ERC2: variants seen among roughly 807,000 people sequenced by gnomAD.
The protein encoded by ERC2 is ELKS/RAB6-interacting/CAST family member 2.
A neutral mutation model predicts 114.8 loss-of-function variants in ERC2; 42 were observed. The ratio of observed to expected loss-of-function variants is 0.37; its 90% CI spans 0.29 to 0.47. The LOEUF (loss-of-function observed/expected upper bound fraction) is 0.47. ERC2 is among the 20% of genes least tolerant of loss of function. ERC2 has a pLI of 0.99. For synonymous variants in ERC2, 454 were observed against 425.5 expected (o/e 1.07, Z -0.82); for missense variants, 939 against 1,150.7 (o/e 0.82, Z 2.66).
intron 7 of ERC2, 97 bp downstream of exon 7, chr3:56,080,720 T>C: frequency 8.1e-7 from 1 of 1,230,442 alleles, no homozygotes; most frequent in African/African-American, 1.5e-5. Context: ...TCCTAAAGAT[T>C]CGTAAAAGAT....
At chr3:56,463,732 T>C (rs894110473) in intron 1 of ERC2, among the ~76,000 whole-genome samples, 2 of 152,232 alleles carry the variant, frequency 1.3e-5, no homozygotes, top group Non-Finnish European at 1.5e-5. Context: ...ATTATATCCA[T>C]GTGTGCCCCT....
chr3:55,794,366 G>A (rs1201793483), intron 14 of ERC2, among the ~76,000 whole-genome samples: 1 of 152,182 alleles, frequency 6.6e-6, no homozygotes, highest in East Asian at 1.9e-4. Context: ...ATCAGTCATA[G>A]TAATTATAAT....
intron 3 of ERC2, chr3:56,173,940 G>A (rs2150026207): frequency 1.2e-5 from 2 of 163,300 alleles, no homozygotes; most frequent in East Asian, 3.7e-4. Context: ...ATGGCATTTT[G>A]CTACCGAGGC....
At chr3:56,467,746 C>T (rs1454348282) in intron 1 of ERC2, among the ~76,000 whole-genome samples, 1 of 151,998 alleles carries the variant, frequency 6.6e-6, no homozygotes, top group African/African-American at 2.4e-5. Flanking sequence ...AAAATATGCT[C>T]CCCTCTGAAC....
intron 17 of ERC2, among the ~76,000 whole-genome samples, chr3:55,634,972 A>G (rs2059899079): frequency 6.6e-6 from 1 of 150,916 alleles, no homozygotes; most frequent in Non-Finnish European, 1.5e-5. Flanking sequence ...ACCTCCGCCT[A>G]CTGGGTTCAA....
chr3:56,115,800 C>G (rs538572012), intron 6 of ERC2, among the ~76,000 whole-genome samples: 2 of 151,994 alleles, frequency 1.3e-5, no homozygotes, highest in Non-Finnish European at 2.9e-5. Context: ...AGGGACTCAC[C>G]TTTTAGCATG....
chr3:55,626,902 C>T (rs1421446027), intron 17 of ERC2, among the ~76,000 whole-genome samples: 1 of 152,230 alleles, frequency 6.6e-6, no homozygotes, highest in East Asian at 1.9e-4. Flanking sequence ...CCAATATCTA[C>T]TCACTTCACA....
At chr3:55,776,171 T>A (rs1305307065) in intron 14 of ERC2, among the ~76,000 whole-genome samples, 1 of 150,426 alleles carries the variant, frequency 6.6e-6, no homozygotes, top group African/African-American at 2.5e-5. Context: ...GTTGAAAGTT[T>A]AGTAACTGAC....
intron 3 of ERC2, among the ~76,000 whole-genome samples, chr3:56,204,734 C>T (rs1158688191): frequency 6.6e-6 from 1 of 151,842 alleles, no homozygotes; most frequent in South Asian, 2.1e-4. Flanking sequence ...ATCTCTTGAC[C>T]TCATGATCCA....
chr3:55,578,490 G>A (rs1375947111), intron 17 of ERC2, among the ~76,000 whole-genome samples: 1 of 152,134 alleles, frequency 6.6e-6, no homozygotes, highest in Non-Finnish European at 1.5e-5. Flanking sequence ...TTTATCTAAA[G>A]TAACCTGGCC....
intron 14 of ERC2, among the ~76,000 whole-genome samples, chr3:55,887,505 C>G (rs932146156): frequency 6.6e-6 from 1 of 152,140 alleles, no homozygotes; most frequent in African/African-American, 2.4e-5. Context: ...TATGTTTCCC[C>G]TTACTGTGGA....
chr3:56,277,055 C>A (rs1171047097), intron 3 of ERC2, among the ~76,000 whole-genome samples: 6 of 152,208 alleles, frequency 3.9e-5, no homozygotes, highest in Non-Finnish European at 7.3e-5. Context: ...AGGTCCCTCC[C>A]ATGAGAGTCT....
At chr3:56,005,176 T>C (rs1380053167) in intron 10 of ERC2, among the ~76,000 whole-genome samples, 1 of 152,122 alleles carries the variant, frequency 6.6e-6, no homozygotes, top group Non-Finnish European at 1.5e-5. Context: ...TAGGAGATAG[T>C]ATAAGCAAAG....
intron 14 of ERC2, among the ~76,000 whole-genome samples, chr3:55,786,603 G>A (rs1575596831): frequency 2.0e-5 from 3 of 152,124 alleles, no homozygotes; most frequent in Admixed American, 2.0e-4. Flanking sequence ...TATTGTACTG[G>A]GTACGTACTA....
chr3:55,889,786 T>C (rs2063522426), intron 13 of ERC2, among the ~76,000 whole-genome samples: 1 of 152,168 alleles, frequency 6.6e-6, no homozygotes, highest in South Asian at 2.1e-4. Context: ...CATCCATCAC[T>C]AAAGTCAACA....
At chr3:55,787,511 T>C (rs17055982) in intron 14 of ERC2, among the ~76,000 whole-genome samples, 11,308 of 152,244 alleles carry the variant, frequency 0.074, 715 homozygotes, top group African/African-American at 0.17. Context: ...TCCATTCAGA[T>C]ACAGGGCTAG....
chr3:56,426,784 C>T (rs1357805512), intron 2 of ERC2, among the ~76,000 whole-genome samples: 2 of 152,120 alleles, frequency 1.3e-5, no homozygotes, highest in South Asian at 2.1e-4. Context: ...GAGAGATAAA[C>T]GCTTGTCTTT....
At position 55,816,271 on chromosome 3, in the gene ERC2, C is replaced by A. The variant is rs184965746; in HGVS notation, c.2564+72118G>T. On this transcript the variant is annotated intron_variant, in intron 14 of 17. Transcript: ENST00000288221. The stretch of plus-strand genomic sequence containing the variant: ...ATCTCCCTACTCCCAAGCCTCCATC[C>A]CTACTTGCTGCTGCATCTGCTGGCA... Among the ~76,000 whole-genome samples, 14 of 152,272 alleles carry A rather than the reference C, an allele frequency of 9.2e-5. No individual in the cohort carries two copies. The East Asian group carries it at 1.7e-3, about 19-fold the overall frequency.
intron 2 of ERC2, among the ~76,000 whole-genome samples, chr3:56,383,488 TTTTG>T (rs1243650381): frequency 3.3e-5 from 5 of 152,200 alleles, no homozygotes; most frequent in Non-Finnish European, 5.9e-5. Context: ...ATGAGAGAAT[TTTTG>T]TTTGTTTCAT....
Sources: gnomAD v4.1 joint callset for allele counts (sites outside exome capture counted in the v4.1 genomes callset) on GRCh38, gnomAD v4.1.1 for gene constraint, MANE v1.5 for transcripts, NCBI Gene and HGNC (gene_info 2026-07-23, HGNC 2026-07-21) for gene names.